CACNG5: variants seen among roughly 807,000 people sequenced by gnomAD.
CACNG5 encodes calcium voltage-gated channel auxiliary subunit gamma 5, also known as voltage-dependent calcium channel gamma-5 subunit.
CACNG5 carries 18 observed loss-of-function variants against 24.8 expected under a neutral mutation model. The observed-to-expected ratio is 0.73, with a 90% CI of 0.50 to 1.08. The LOEUF is 1.08. CACNG5 is among the 50% of genes least tolerant of loss of function. The probability of loss-of-function intolerance (pLI) is 0.00; values close to 1 mark genes in which losing one functional copy is unlikely to be tolerated. For synonymous variants in CACNG5, 157 were observed against 149.1 expected, an observed-to-expected ratio of 1.05 and a Z score of -0.39; for missense variants, 349 against 367.9, an observed-to-expected ratio of 0.95 and a Z score of 0.42.
chr17:66,877,087 G>T lies in CACNG5; in HGVS notation c.-103-143G>T, dbSNP rs555688932. On this transcript the variant is annotated intron_variant, in intron 1 of 5. Transcript: ENST00000533854. ...TGCAGTGGCATGCCAAGAACGCTCT[G>T]AATTGCTGCGGGGTTAGGGGGAGGG... The T allele has an allele frequency of 1.7e-4, 83 of 482,116 alleles. 1 individual carries two copies. In the South Asian group the frequency reaches 2.4e-3, roughly 14 times the overall value. The allele number at this position is 482,116 out of a possible 1,614,324, so 29.9% of individuals were successfully genotyped here.
At chr17:66,850,599 T>TACACACAC (rs56797058) in intron 1 of CACNG5, among the ~76,000 whole-genome samples, 59 of 142,414 alleles carry the variant, frequency 4.1e-4, no homozygotes, top group African/African-American at 1.6e-3. Context: ...CACAAATACA[T>TACACACAC]ACACACACAC....
rs1010613292 is a variant in CACNG5, at chr17:66,889,223, A to T, written c.*3983A>T. Among the ~76,000 whole-genome samples the T allele has an allele frequency of 1.3e-5, 2 of 152,142 alleles. No individual in the cohort carries two copies. Among genetic ancestry groups the T allele is most frequent in the African/African-American group, 4.8e-5 (2 of 41,432 alleles). On this transcript the variant is annotated 3_prime_UTR_variant, in exon 6 of 6. Coordinates refer to ENST00000533854, the MANE Select transcript of CACNG5 (RefSeq NM_145811.3). ...TGATCCACCTGCCTTGGCCTCCCAAAGTGCTGGGATTACAGGCATGAGCCA... is the reference window on the plus strand; with the variant it reads ...TGATCCACCTGCCTTGGCCTCCCAATGTGCTGGGATTACAGGCATGAGCCA...
chr17:66,841,918 G>A (rs1040789552), intron 1 of CACNG5, among the ~76,000 whole-genome samples: 4 of 152,192 alleles, frequency 2.6e-5, no homozygotes, highest in African/African-American at 9.7e-5. Flanking sequence ...GAGCTCAAGG[G>A]ACTGTGATTA....
chr17:66,863,280 A>T (rs1271792024), intron 1 of CACNG5, among the ~76,000 whole-genome samples: 2 of 152,216 alleles, frequency 1.3e-5, no homozygotes, highest in African/African-American at 4.8e-5. Context: ...AAGTAATTCT[A>T]CATATAGTTC....
intron 1 of CACNG5, among the ~76,000 whole-genome samples, chr17:66,864,376 T>G (rs1027190501): frequency 6.6e-6 from 1 of 152,254 alleles, no homozygotes; most frequent in Admixed American, 6.5e-5. Flanking sequence ...CACAACCTTT[T>G]GTTCTGCCTC....
intron 1 of CACNG5, among the ~76,000 whole-genome samples, chr17:66,870,323 C>A (rs1976987656): frequency 6.6e-6 from 1 of 152,142 alleles, no homozygotes; most frequent in Non-Finnish European, 1.5e-5. Context: ...GTGCTGGCCA[C>A]TGGCTGGAAG....
intron 4 of CACNG5, among the ~76,000 whole-genome samples, 155 bp downstream of exon 4, chr17:66,880,852 C>T (rs964658272): frequency 6.6e-6 from 1 of 152,222 alleles, no homozygotes; most frequent in African/African-American, 2.4e-5. Context: ...AGCAATTCTG[C>T]CTCAGCCTCC....
At chr17:66,882,514 G>T (rs1310151569) in intron 4 of CACNG5, among the ~76,000 whole-genome samples, 3 of 152,004 alleles carry the variant, frequency 2.0e-5, no homozygotes, top group Admixed American at 1.3e-4. Context: ...GGTGTGTAGA[G>T]TGAGAAGGGG....
At chr17:66,844,179 G>T (rs1976606066) in intron 1 of CACNG5, among the ~76,000 whole-genome samples, 1 of 152,204 alleles carries the variant, frequency 6.6e-6, no homozygotes, top group African/African-American at 2.4e-5. Flanking sequence ...GCATCCTGTT[G>T]TCTAATCCTT....
rs917221964 is a variant in CACNG5, at chr17:66,886,590, G to A, written c.*1350G>A. On this transcript the variant is annotated 3_prime_UTR_variant, in exon 6 of 6. Coordinates refer to ENST00000533854, the MANE Select transcript of CACNG5 (RefSeq NM_145811.3). ...GAGTAGCAAAGCAATGCTGTGTGTC[G>A]CTGCTGTGCCCGCTCTCTCCTTGCC... Among the ~76,000 whole-genome samples the A allele has an allele frequency of 5.3e-5, 8 of 152,120 alleles. No individual in the cohort carries two copies. Among genetic ancestry groups the A allele is most frequent in the South Asian group, 2.1e-4 (1 of 4,814 alleles).
intron 3 of CACNG5, among the ~76,000 whole-genome samples, chr17:66,879,550 A>C (rs1315102021): frequency 2.0e-5 from 3 of 152,190 alleles, no homozygotes; most frequent in African/African-American, 7.2e-5. Flanking sequence ...CATCAGGTTC[A>C]ATAATTGCAA....
rs775681995 is a variant in CACNG5 at position 66,880,643 on chromosome 17, C to T, written c.370C>T (p.Arg124Cys). The T allele has an allele frequency of 4.3e-6, 7 of 1,614,066 alleles. No individual in the cohort carries two copies. The Admixed American group carries it at 5.0e-5, about 12-fold the overall frequency. The change falls in exon 4 of 6, where the codon CGT (arginine) becomes TGT (cysteine). Residue 124 changes from arginine (R) to cysteine (C), a missense_variant. Transcript: ENST00000533854. The part of the protein sequence containing the change: ...GFILNNIGHI[R>C]PHRTILAFVS... ...TATCCTGAACAACATCGGACACATC[C>T]GTCCCCACCGGACGATACTGGCCTT...
Position 66,850,573 on chromosome 17 carries a change from CAT to C in CACNG5, c.-104+15333_-104+15334del, listed in dbSNP as rs202232890. Among the ~76,000 whole-genome samples, 22 of 147,956 alleles carry C rather than the reference CAT, an allele frequency of 1.5e-4. No individual in the cohort carries two copies. In the South Asian group the frequency reaches 3.4e-3, roughly 23 times the overall value. On this transcript the variant is annotated intron_variant, in intron 1 of 5. Coordinates refer to ENST00000533854, the MANE Select transcript of CACNG5 (RefSeq NM_145811.3). The stretch of plus-strand genomic sequence containing the variant: ...TATTGATTTTTAAAATTAAAGTTCA[CAT>C]ATATATATACATACACAAATACATA...
At position 66,894,261 on chromosome 17, in the gene CACNG5, A is replaced by G. The variant is rs112726209; in HGVS notation, c.*9021A>G. ...CCTTTCAATCTGTCACCCCCTTGGG[A>G]GGATCCTGCACATCCTTCCTCAGTG... On this transcript the variant is annotated 3_prime_UTR_variant, in exon 6 of 6. Transcript: ENST00000533854. Among the ~76,000 whole-genome samples, 136 of 152,224 alleles carry G rather than the reference A, an allele frequency of 8.9e-4. 1 individual carries two copies. The highest frequency in any genetic ancestry group is 3.2e-3 in the African/African-American group (132 of 41,544).
chr17:66,849,844 C>G (rs1976690464), intron 1 of CACNG5, among the ~76,000 whole-genome samples: 1 of 152,202 alleles, frequency 6.6e-6, no homozygotes, highest in African/African-American at 2.4e-5. Context: ...TATCCTTTCT[C>G]CCTCTTGCCT....
rs1335279885 is a variant in CACNG5, at chr17:66,835,156, C to A, written c.-198C>A. On this transcript the variant is annotated 5_prime_UTR_variant, in exon 1 of 6. Transcript: ENST00000533854. ...GTTCCGGCTGACTGGACGGGGCGGG[C>A]GTCCCGGGCAGCCTAGCGCGGTACC... is the stretch of plus-strand genomic sequence containing the variant. The A allele has an allele frequency of 1.3e-5, 2 of 152,158 alleles. No individual in the cohort carries two copies. Among genetic ancestry groups the A allele is most frequent in the East Asian group, 1.9e-4 (1 of 5,176 alleles). The allele number at this position is 152,158 out of a possible 1,614,324, so 9.4% of individuals were successfully genotyped here.
chr17:66,877,430 G>A lies in CACNG5; in HGVS notation c.98G>A (p.Trp33Ter). The A allele has an allele frequency of 6.2e-7, 1 of 1,614,120 alleles. No homozygotes were observed. The highest frequency in any genetic ancestry group is 8.5e-7 in the Non-Finnish European group (1 of 1,180,012). Residue 33 changes from tryptophan to a stop codon, truncating the protein, a stop_gained, in exon 2 of 6, where the codon TGG (tryptophan) becomes TAG (stop). Coordinates refer to ENST00000533854, the MANE Select transcript of CACNG5 (RefSeq NM_145811.3). LOFTEE classifies it high-confidence loss of function. Reference sequence around the variant, plus strand: ...GGTATCGCGGTCAGCACCGACTACTGGCTGTACCTGGAGGAGGGTGTGATT... The same window carrying A: ...GGTATCGCGGTCAGCACCGACTACTAGCTGTACCTGGAGGAGGGTGTGATT... ...LLGIAVSTDY[W>*]LYLEEGVIVP...
At chr17:66,844,191 T>C (rs544217766) in intron 1 of CACNG5, among the ~76,000 whole-genome samples, 2 of 152,348 alleles carry the variant, frequency 1.3e-5, no homozygotes, top group East Asian at 3.9e-4. Context: ...CTAATCCTTA[T>C]GAGGTACACC....
chr17:66,859,933 C>G (rs2143070477), intron 1 of CACNG5, among the ~76,000 whole-genome samples: 1 of 152,126 alleles, frequency 6.6e-6, no homozygotes, highest in Non-Finnish European at 1.5e-5. Context: ...AAGGAAAATG[C>G]TGGGTTCGTC....
Sources: gnomAD v4.1 joint callset for allele counts (sites outside exome capture counted in the v4.1 genomes callset) on GRCh38, gnomAD v4.1.1 for gene constraint, MANE v1.5 for transcripts, NCBI Gene and HGNC (gene_info 2026-07-23, HGNC 2026-07-21) for gene names.